Variants in TBC1D30 observed in about 807,000 individuals in gnomAD.
The protein encoded by TBC1D30 is TBC1 domain family member 30.
A neutral mutation model predicts 63.2 loss-of-function variants in TBC1D30; 31 were observed. The ratio of observed to expected loss-of-function variants is 0.49; its 90% confidence interval spans 0.37 to 0.66. The LOEUF is 0.66. TBC1D30 is among the 30% of genes least tolerant of loss of function. TBC1D30 has a pLI of 0.00. For synonymous variants in TBC1D30, 307 were observed against 361.5 expected (o/e 0.85, Z 1.71); for missense variants, 810 against 953.6 (o/e 0.85, Z 1.98).
chr12:64,839,150 T>C (rs937099450), intron 7 of TBC1D30, among the ~76,000 whole-genome samples: 4 of 152,186 alleles, frequency 2.6e-5, no homozygotes, highest in Non-Finnish European at 5.9e-5. Flanking sequence ...GAAAGGAACT[T>C]AGGTGGCAGA....
rs1330089572 is a variant in TBC1D30, at chr12:64,876,657, C to T, written c.*869C>T. 2.5e-6 allele frequency: 1 copy of T among 400,284 alleles called. No homozygotes were observed. Among genetic ancestry groups the T allele is most frequent in the African/African-American group, 2.1e-5 (1 of 48,750 alleles). The allele number at this position is 400,284 out of a possible 1,614,324, so 24.8% of individuals were successfully genotyped here. A position where few individuals can be genotyped will look rare whatever the true frequency, so the allele number is the denominator to read the frequency against. On this transcript the variant is annotated 3_prime_UTR_variant, in exon 12 of 12. Coordinates refer to ENST00000539867, the MANE Select transcript of TBC1D30 (RefSeq NM_015279.2). The stretch of plus-strand genomic sequence containing the variant: ...AGCTCACTCACCCACCAGCTCTAGA[C>T]TGCAGACGCACAAGGCCTCTGCTCA...
intron 10 of TBC1D30, among the ~76,000 whole-genome samples, chr12:64,870,311 A>G (rs1006646749): frequency 2.0e-5 from 3 of 152,204 alleles, no homozygotes; most frequent in Non-Finnish European, 4.4e-5. Context: ...AGTGATTTTC[A>G]TCTGGAAGCA....
intron 2 of TBC1D30, among the ~76,000 whole-genome samples, chr12:64,796,016 C>A (rs901830499): frequency 2.0e-5 from 3 of 151,966 alleles, no homozygotes; most frequent in African/African-American, 7.3e-5. Context: ...TAATTAGCAG[C>A]CTGGTCTACC....
chr12:64,868,740 C>A (rs12315544), intron 10 of TBC1D30: 6,681 of 199,074 alleles, frequency 0.034, 466 homozygotes, highest in African/African-American at 0.15. Flanking sequence ...TTGGAAAAAA[C>A]CAGAACAAGT....
chr12:64,781,092 A>G, exon 1 of TBC1D30: 1 of 1,004,154 alleles, frequency 1.0e-6, no homozygotes, highest in Middle Eastern at 4.9e-4. Context: ...TGCACAGAGG[A>G]GGAGGAGGCG....
chr12:64,807,999 C>T (rs1274429348), intron 2 of TBC1D30, among the ~76,000 whole-genome samples: 2 of 146,114 alleles, frequency 1.4e-5, no homozygotes, highest in Non-Finnish European at 3.0e-5. Flanking sequence ...AAGTGATCCC[C>T]TCACCTCAGT....
At chr12:64,823,247 CAAT>C (rs778821998), upstream of TBC1D30, among the ~76,000 whole-genome samples, 6 of 152,076 alleles carry the variant, frequency 3.9e-5, no homozygotes, top group East Asian at 5.8e-4. Context: ...TTATTAATAA[CAAT>C]AATACTACTG....
At position 64,871,248 on chromosome 12, in the gene TBC1D30, GA is replaced by G. The variant is rs374079112; in HGVS notation, c.1498+448del. ...ACAGATGTTGTATCAGAGAAACTGGGAAAAAAAACATTAAAAACCTGTGCCT... is the reference window on the plus strand; with the variant it reads ...ACAGATGTTGTATCAGAGAAACTGGGAAAAAAACATTAAAAACCTGTGCCT... On this transcript the variant is annotated intron_variant, in intron 11 of 11. Coordinates refer to ENST00000539867, the MANE Select transcript of TBC1D30 (RefSeq NM_015279.2). Among the ~76,000 whole-genome samples the G allele has an allele frequency of 9.3e-3, 1,406 of 151,880 alleles. 21 individuals carry two copies. The highest frequency in any genetic ancestry group is 0.032 in the African/African-American group (1,329 of 41,396).
chr12:64,785,440 G>A (rs987984064), intron 1 of TBC1D30, among the ~76,000 whole-genome samples: 1 of 134,152 alleles, frequency 7.5e-6, no homozygotes, highest in East Asian at 2.2e-4. Context: ...GAGCCACCAC[G>A]CCTGGCCTTT....
At chr12:64,849,061 C>T (rs1876640473) in intron 8 of TBC1D30, among the ~76,000 whole-genome samples, 1 of 152,174 alleles carries the variant, frequency 6.6e-6, no homozygotes. Flanking sequence ...TTGTTGGCTG[C>T]ATAAGTGTCT....
chr12:64,792,008 G>A (rs1871954145), intron 2 of TBC1D30, among the ~76,000 whole-genome samples: 1 of 152,006 alleles, frequency 6.6e-6, no homozygotes, highest in African/African-American at 2.4e-5. Context: ...TTTCACATTT[G>A]CAGGCATAAA....
rs529803689 is a variant in TBC1D30 at position 64,810,067 on chromosome 12, A to G, written c.644-17768A>G. On this transcript the variant is annotated intron_variant, in intron 2 of 12. Coordinates refer to the TBC1D30 transcript ENST00000542120. ...CCTCCTTTCTTAACCCCTCGTCCAT[A>G]TGGCTCTCCCTCCACCCTGCTCCAT... Among the ~76,000 whole-genome samples, 6 of 151,946 alleles carry G rather than the reference A, an allele frequency of 3.9e-5. No individual in the cohort carries two copies. In the South Asian group the frequency reaches 1.0e-3, roughly 26 times the overall value.
At chr12:64,835,490 C>T (rs1875264304) in intron 5 of TBC1D30, among the ~76,000 whole-genome samples, 1 of 152,002 alleles carries the variant, frequency 6.6e-6, no homozygotes, top group Non-Finnish European at 1.5e-5. Flanking sequence ...TATATAGAAC[C>T]AGTTATGATT....
rs1879299295 is a variant in TBC1D30, at chr12:64,879,199, A to G, written c.*3411A>G. ...TTTGTGTATGTGTGTACACGCCATTATCTACAAAAAAGTTATGTTGAACAT... is the reference window on the plus strand; with the variant it reads ...TTTGTGTATGTGTGTACACGCCATTGTCTACAAAAAAGTTATGTTGAACAT... On this transcript the variant is annotated 3_prime_UTR_variant, in exon 12 of 12. Transcript: ENST00000539867. 6.6e-6 allele frequency: 1 copy of G among 152,258 alleles called. No homozygotes were observed. Among genetic ancestry groups the G allele is most frequent in the Non-Finnish European group, 1.5e-5 (1 of 68,050 alleles). 9.4% of individuals were successfully genotyped at this position (152,258 alleles called of 1,614,324 possible). A position where few individuals can be genotyped will look rare whatever the true frequency, so the allele number is the denominator to read the frequency against.
intron 1 of TBC1D30, among the ~76,000 whole-genome samples, chr12:64,761,085 T>A (rs761260217): frequency 1.6e-4 from 25 of 152,204 alleles, no homozygotes; most frequent in Admixed American, 3.3e-4. Flanking sequence ...TCAGAGCAGT[T>A]CCTAGACAAC....
In TBC1D30 at chr12:64,839,566, G is replaced by T. The variant is rs534240918; in HGVS notation, c.932+715G>T. Among the ~76,000 whole-genome samples the T allele has an allele frequency of 3.9e-4, 60 of 152,256 alleles. 1 individual carries two copies. The highest frequency in any genetic ancestry group is 6.8e-3 in the Middle Eastern group (2 of 294). ...TTTCTCTTCTGGAGCTATAAATGAC[G>T]AGTGGGTTCCCACAGACAACATGTC... On this transcript the variant is annotated intron_variant, in intron 7 of 11. Transcript: ENST00000539867.
intron 8 of TBC1D30, among the ~76,000 whole-genome samples, chr12:64,855,283 A>C (rs1173942830): frequency 6.6e-6 from 1 of 151,404 alleles, no homozygotes; most frequent in African/African-American, 2.4e-5. Flanking sequence ...TGAGAGTTTG[A>C]TTGTAAAACG....
At chr12:64,787,393 A>G (rs1819365899) in intron 2 of TBC1D30, 1 of 984,854 alleles carries the variant, frequency 1.0e-6, no homozygotes, top group Non-Finnish European at 1.2e-6. Flanking sequence ...TATGGTAAAT[A>G]TAGGTACAAT....
At chr12:64,820,258 C>T (rs186446083), upstream of TBC1D30, among the ~76,000 whole-genome samples, 47 of 152,284 alleles carry the variant, frequency 3.1e-4, no homozygotes, top group East Asian at 5.2e-3. Context: ...TTGTGTTGGG[C>T]TTTCTTTTCT....
Sources: allele counts gnomAD v4.1 joint callset (sites outside exome capture counted in the v4.1 genomes callset), GRCh38; gene constraint gnomAD v4.1.1; transcripts MANE v1.5; gene names NCBI Gene and HGNC (gene_info 2026-07-23, HGNC 2026-07-21).